PRKCH: variants seen among roughly 807,000 people sequenced by gnomAD.
PRKCH encodes protein kinase C eta type.
Under a neutral mutation model 82.5 loss-of-function variants are expected in PRKCH, and 28 were observed. The ratio of observed to expected loss-of-function variants is 0.34; its 90% CI spans 0.25 to 0.47. PRKCH has a LOEUF of 0.47. Among genes scored for constraint, PRKCH ranks in the 20% least tolerant of loss-of-function variants. PRKCH has a pLI of 1.00. For synonymous variants in PRKCH, 322 were observed against 327.4 expected (o/e 0.98, Z 0.18); for missense variants, 705 against 881.8 (o/e 0.80, Z 2.54).
At position 61,527,632 on chromosome 14, in the gene PRKCH, A is replaced by G. The variant is rs111893175; in HGVS notation, c.1434-1443A>G. ...TTACTCCCTTAATGAGGGAGCATCAATGAGTTCCTTTTGCCTAATATGTAA... is the reference window on the plus strand; with the variant it reads ...TTACTCCCTTAATGAGGGAGCATCAGTGAGTTCCTTTTGCCTAATATGTAA... On this transcript the variant is annotated intron_variant, in intron 10 of 13. Transcript: ENST00000332981. Among the ~76,000 whole-genome samples, 282 of 152,270 alleles carry G rather than the reference A, an allele frequency of 1.9e-3. 2 individuals carry two copies. The highest frequency in any genetic ancestry group is 6.4e-3 in the African/African-American group (267 of 41,542).
intron 1 of PRKCH, among the ~76,000 whole-genome samples, chr14:61,267,819 G>A (rs2045117065): frequency 6.6e-6 from 1 of 152,004 alleles, no homozygotes; most frequent in African/African-American, 2.4e-5. Flanking sequence ...ATCATAAGAT[G>A]CACCATTACG....
chr14:61,451,483 G>A (rs1011466354), intron 6 of PRKCH, among the ~76,000 whole-genome samples: 1 of 152,190 alleles, frequency 6.6e-6, no homozygotes, highest in Non-Finnish European at 1.5e-5. Flanking sequence ...AGCATAAAAA[G>A]AGCTGCCCTG....
At chr14:61,249,040 G>A (rs1383901898) in intron 1 of PRKCH, among the ~76,000 whole-genome samples, 1 of 152,130 alleles carries the variant, frequency 6.6e-6, no homozygotes, top group African/African-American at 2.4e-5. Flanking sequence ...GACCTCAGGT[G>A]ACTCGCCTGC....
At chr14:61,511,022 G>T (rs17098625) in intron 10 of PRKCH, among the ~76,000 whole-genome samples, 1,687 of 152,200 alleles carry the variant, frequency 0.011, 39 homozygotes, top group African/African-American at 0.039. Flanking sequence ...GACACTTAGG[G>T]GTGGTGAGAG....
At chr14:61,195,862 C>A (rs1390579045) in intron 1 of PRKCH, among the ~76,000 whole-genome samples, 1 of 152,190 alleles carries the variant, frequency 6.6e-6, no homozygotes, top group Non-Finnish European at 1.5e-5. Flanking sequence ...ATCAAGGCCC[C>A]ACCCTTACGA....
intron 3 of PRKCH, among the ~76,000 whole-genome samples, chr14:61,445,210 T>G (rs1436747282): frequency 6.6e-6 from 1 of 152,244 alleles, no homozygotes; most frequent in Non-Finnish European, 1.5e-5. Flanking sequence ...GCAGCAACTC[T>G]GCCCACCTGT....
chr14:61,191,897 C>T (rs373307917), intron 1 of PRKCH, among the ~76,000 whole-genome samples: 1 of 152,262 alleles, frequency 6.6e-6, no homozygotes, highest in South Asian at 2.1e-4. Flanking sequence ...CAAGCTCATA[C>T]GTATTCCAGA....
rs1276768947 is a variant in PRKCH, at chr14:61,405,982, G to A, written c.427+14694G>A. 2.6e-5 allele frequency among the ~76,000 whole-genome samples: 4 copies of A among 152,174 alleles called. No individual in the cohort carries two copies. The East Asian group carries it at 7.7e-4, about 29-fold the overall frequency. ...CCAAGAGGATCTGTTTTAAAGCAAT[G>A]GAATTATTTGAGAATTTTGAAAAAT... On this transcript the variant is annotated intron_variant, in intron 2 of 13. Coordinates refer to ENST00000332981, the MANE Select transcript of PRKCH (RefSeq NM_006255.5).
intron 10 of PRKCH, among the ~76,000 whole-genome samples, chr14:61,528,556 C>A (rs1039832185): frequency 7.2e-5 from 11 of 152,092 alleles, no homozygotes; most frequent in African/African-American, 2.7e-4. Flanking sequence ...AAACACAATC[C>A]CCGCCGTCAT....
intron 1 of PRKCH, chr14:61,298,083 A>T (rs1681442080): frequency 6.6e-6 from 1 of 152,246 alleles, no homozygotes; most frequent in African/African-American, 2.4e-5. Flanking sequence ...ATACACCAAC[A>T]ATCTCTTTGT....
chr14:61,207,946 G>A (rs144839399), intron 1 of PRKCH, among the ~76,000 whole-genome samples: 1 of 152,318 alleles, frequency 6.6e-6, no homozygotes, highest in Non-Finnish European at 1.5e-5. Context: ...TCCCCAGCCT[G>A]ACATGGACAT....
At chr14:61,227,749 T>C (rs975532965) in intron 1 of PRKCH, among the ~76,000 whole-genome samples, 2 of 152,090 alleles carry the variant, frequency 1.3e-5, no homozygotes, top group Non-Finnish European at 2.9e-5. Flanking sequence ...AAAACCGTGA[T>C]TATTTTTGCA....
chr14:61,330,197 G>A (rs897941453), intron 1 of PRKCH, among the ~76,000 whole-genome samples: 3 of 152,158 alleles, frequency 2.0e-5, no homozygotes, highest in Non-Finnish European at 4.4e-5. Context: ...GGGGAGGTGG[G>A]GAACATCTTC....
intron 1 of PRKCH, among the ~76,000 whole-genome samples, chr14:61,308,671 C>T (rs2045499462): frequency 6.6e-6 from 1 of 152,112 alleles, no homozygotes; most frequent in Non-Finnish European, 1.5e-5. Flanking sequence ...CTCCATTGCC[C>T]AGGCTTGAGT....
rs769997833 is a variant in PRKCH, at chr14:61,457,500, C to T, written c.1105-6C>T. ...CCTCATGCTCCCTCCTTTTGCTTTG[C>T]CATAGGTGATGCTTGCAAGAGTAAA... On this transcript the variant is annotated splice_polypyrimidine_tract_variant and splice_region_variant and intron_variant, in intron 8 of 13. Transcript: ENST00000332981. The T allele has an allele frequency of 1.9e-6, 3 of 1,613,508 alleles. No homozygotes were observed. The highest frequency in any genetic ancestry group is 2.5e-6 in the Non-Finnish European group (3 of 1,179,670).
At chr14:61,205,640 CCT>C (rs1284890349) in intron 1 of PRKCH, among the ~76,000 whole-genome samples, 1 of 152,198 alleles carries the variant, frequency 6.6e-6, no homozygotes, top group Non-Finnish European at 1.5e-5. Flanking sequence ...AGGTGTCTCT[CCT>C]CTCTGCTTCC....
At chr14:61,426,149 A>C (rs755492780) in intron 2 of PRKCH, among the ~76,000 whole-genome samples, 3 of 152,206 alleles carry the variant, frequency 2.0e-5, no homozygotes, top group African/African-American at 2.4e-5. Context: ...CTTTCTGGAG[A>C]TCTCCAGCCA....
chr14:61,221,781 C>T (rs2044657878), intron 1 of PRKCH, among the ~76,000 whole-genome samples: 1 of 152,182 alleles, frequency 6.6e-6, no homozygotes, highest in African/African-American at 2.4e-5. Context: ...GTGTCCTCAG[C>T]CTCTGGAGCA....
chr14:61,223,584 C>T (rs948897370), intron 1 of PRKCH, among the ~76,000 whole-genome samples: 1 of 152,198 alleles, frequency 6.6e-6, no homozygotes, highest in South Asian at 2.1e-4. Flanking sequence ...TCTTTCTTTT[C>T]CCACACTCCA....
Sources: allele counts gnomAD v4.1 joint callset (sites outside exome capture counted in the v4.1 genomes callset), GRCh38; gene constraint gnomAD v4.1.1; transcripts MANE v1.5; gene names NCBI Gene and HGNC (gene_info 2026-07-23, HGNC 2026-07-21).